Variants in CHORDC1 observed in about 807,000 individuals in gnomAD.
The protein encoded by CHORDC1 is cysteine and histidine-rich domain-containing protein 1.
In CHORDC1, 25 loss-of-function variants were observed where a neutral mutation model predicts 48.3. That is an observed-to-expected ratio of 0.52 (90% CI 0.38 to 0.72). CHORDC1 has a LOEUF of 0.72. CHORDC1 is among the 30% of genes least tolerant of loss of function. The pLI, the probability that CHORDC1 is intolerant of heterozygous loss-of-function variation, is 0.00. For synonymous variants in CHORDC1, 128 were observed against 126.4 expected (o/e 1.01, Z -0.09); for missense variants, 317 against 388.7 (o/e 0.82, Z 1.55).
At chr11:90,214,556 C>T (rs963277432) in intron 3 of CHORDC1, among the ~76,000 whole-genome samples, 2 of 151,912 alleles carry the variant, frequency 1.3e-5, no homozygotes, top group Non-Finnish European at 2.9e-5. Context: ...AGTTATATGA[C>T]CTTAAGCAAG....
chr11:90,213,541 C>T (rs1310862474), intron 4 of CHORDC1: 3 of 549,052 alleles, frequency 5.5e-6, no homozygotes, highest in African/African-American at 3.8e-5. Flanking sequence ...TTTAAGACTA[C>T]TTTCACAAAT....
Position 90,201,235 on chromosome 11 carries a change from A to AT in CHORDC1, c.*1169dup, listed in dbSNP as rs1215056864. On this transcript the variant is annotated 3_prime_UTR_variant, in exon 11 of 11. Transcript: ENST00000320585. ...AAACCCCTTTTAATTTTAAATCTAC[A>AT]TAAGTTTAATTTATTCCCAAACTTT... 1 of 151,998 alleles carries AT rather than the reference A, an allele frequency of 6.6e-6. No individual in the cohort carries two copies. The highest frequency in any genetic ancestry group is 1.5e-5 in the Non-Finnish European group (1 of 67,890). 9.4% of individuals were successfully genotyped at this position (151,998 alleles called of 1,614,324 possible).
In CHORDC1 at chr11:90,220,950, G is replaced by A. The variant is rs78452889; in HGVS notation, c.64+1941C>T. Among the ~76,000 whole-genome samples, 646 of 151,966 alleles carry A rather than the reference G, an allele frequency of 4.3e-3. 3 individuals carry two copies. Among genetic ancestry groups the A allele is most frequent in the Non-Finnish European group, 6.9e-3 (472 of 67,990 alleles). ...TTAACATATGTAAGTTACCAACTGT[G>A]TCTCCCTTAAACACCCTTTAACTTC... On this transcript the variant is annotated intron_variant, in intron 1 of 10. Transcript: ENST00000320585.
At chr11:90,222,636 G>A (rs1193590781) in intron 1 of CHORDC1, 2 of 680,668 alleles carry the variant, frequency 2.9e-6, no homozygotes, top group Non-Finnish European at 5.4e-6. Flanking sequence ...GGAAACACGT[G>A]GATCCATGGG....
In CHORDC1 at chr11:90,201,570, A is replaced by G. The variant is rs1857544489; in HGVS notation, c.*835T>C. ...AGTCTACAATTTTATATAGTTTTCC[A>G]TCAGGGAGGCAAGATATATATAATT... On this transcript the variant is annotated 3_prime_UTR_variant, in exon 11 of 11. Coordinates refer to ENST00000320585, the MANE Select transcript of CHORDC1 (RefSeq NM_012124.3). 1 of 152,374 alleles carries G rather than the reference A, an allele frequency of 6.6e-6. No homozygotes were observed. Among genetic ancestry groups the G allele is most frequent in the African/African-American group, 2.4e-5 (1 of 41,446 alleles). 9.4% of individuals were successfully genotyped at this position (152,374 alleles called of 1,614,324 possible).
intron 2 of CHORDC1, chr11:90,217,896 A>AC: frequency 8.3e-5 from 3 of 35,962 alleles, no homozygotes; most frequent in Non-Finnish European, 2.3e-4. Context: ...ACTCCATCTC[A>AC]AAAAAAAAAA....
At chr11:90,216,409 C>T in intron 2 of CHORDC1, 4 of 230,274 alleles carry the variant, frequency 1.7e-5, no homozygotes, top group East Asian at 1.5e-4. Flanking sequence ...CTGAATATGC[C>T]CCTTCTAATA....
intron 8 of CHORDC1, 79 bp from the exon 9 acceptor site, chr11:90,203,506 G>T: frequency 7.4e-7 from 1 of 1,359,312 alleles, no homozygotes; most frequent in South Asian, 1.6e-5. Context: ...TGACCCATCT[G>T]AGAAAAAACT....
At chr11:90,217,102 G>A (rs1186613045) in intron 2 of CHORDC1, among the ~76,000 whole-genome samples, 1 of 152,158 alleles carries the variant, frequency 6.6e-6, no homozygotes, top group African/African-American at 2.4e-5. Flanking sequence ...GTCTCAACTT[G>A]CCCTACTGAA....
chr11:90,210,440 T>C, intron 6 of CHORDC1, 96 bp downstream of exon 6: 1 of 731,790 alleles, frequency 1.4e-6, no homozygotes, highest in South Asian at 1.6e-5. Context: ...ATATATAATA[T>C]GCATGCAAAT....
chr11:90,212,615 A>T (rs945892068), intron 4 of CHORDC1: 1 of 152,098 alleles, frequency 6.6e-6, no homozygotes, highest in African/African-American at 2.4e-5. Flanking sequence ...TAAAAAAAAG[A>T]AAAGTATGTA....
chr11:90,203,243 A>T, intron 9 of CHORDC1, 65 bp downstream of exon 9: 1 of 1,410,186 alleles, frequency 7.1e-7, no homozygotes, highest in Admixed American at 1.8e-5. Context: ...ATACTTTAAA[A>T]TACAGTAACA....
intron 8 of CHORDC1, among the ~76,000 whole-genome samples, chr11:90,204,516 C>T (rs11018909): frequency 0.13 from 19,428 of 151,970 alleles, 1,743 homozygotes; most frequent in East Asian, 0.31. Context: ...GTCAGGAGTC[C>T]AAGACCAGCC....
intron 8 of CHORDC1, among the ~76,000 whole-genome samples, 167 bp from the exon 9 acceptor site, chr11:90,203,594 T>C (rs560769207): frequency 6.6e-6 from 1 of 152,220 alleles, no homozygotes; most frequent in South Asian, 2.1e-4. Context: ...AACAAGAAAA[T>C]ATATCATGGT....
At chr11:90,214,334 A>G (rs1288578466) in intron 3 of CHORDC1, among the ~76,000 whole-genome samples, 159 bp from the exon 4 acceptor site, 3 of 152,178 alleles carry the variant, frequency 2.0e-5, no homozygotes, top group African/African-American at 4.8e-5. Flanking sequence ...CAAATTTGCC[A>G]TATTTGCTGA....
intron 1 of CHORDC1, 181 bp downstream of exon 1, chr11:90,222,710 C>T (rs771142434): frequency 5.0e-5 from 36 of 713,810 alleles, no homozygotes; most frequent in Non-Finnish European, 7.7e-5. Flanking sequence ...GCCAAGGGAA[C>T]GCGGCGCAAC....
At chr11:90,222,623 G>C in intron 1 of CHORDC1, 1 of 669,090 alleles carries the variant, frequency 1.5e-6, no homozygotes, top group Non-Finnish European at 2.7e-6. Context: ...CGGGGACGAC[G>C]GGGGAAACAC....
At chr11:90,216,228 A>T (rs905428618) in intron 2 of CHORDC1, among the ~76,000 whole-genome samples, 2 of 152,186 alleles carry the variant, frequency 1.3e-5, no homozygotes, top group African/African-American at 4.8e-5. Context: ...GTACTAAATT[A>T]TGTCAGATAC....
chr11:90,202,493 A>G lies in CHORDC1; in HGVS notation c.911T>C (p.Met304Thr). 1.2e-6 allele frequency: 2 copies of G among 1,612,984 alleles called. No individual in the cohort carries two copies. Among genetic ancestry groups the G allele is most frequent in the South Asian group, 2.2e-5 (2 of 91,030 alleles). Residue 304 changes from methionine to threonine, a missense_variant, in exon 11 of 11, where the codon ATG becomes ACG. Physicochemically the swap from Met to Thr is moderately conservative, Grantham distance 81. Coordinates refer to ENST00000320585, the MANE Select transcript of CHORDC1 (RefSeq NM_012124.3). ...CCACTGCATCGGTTCAGCTTTTCTC[A>G]TAGTGATTTCAATCTTTGTTGCAGT... is the stretch of plus-strand genomic sequence containing the variant. ...TMTATKIEIT[M>T]RKAEPMQWAS...
Sources: gnomAD v4.1 joint callset for allele counts (sites outside exome capture counted in the v4.1 genomes callset) on GRCh38, gnomAD v4.1.1 for gene constraint, MANE v1.5 for transcripts, NCBI Gene and HGNC (gene_info 2026-07-23, HGNC 2026-07-21) for gene names.